The following SIGLECL1 variants were observed in gnomAD, a reference collection of about 807,000 sequenced individuals.
The protein encoded by SIGLECL1 is SIGLEC family like 1, also known as SIGLEC family-like protein 1.
A neutral mutation model predicts 19.1 loss-of-function variants in SIGLECL1; 16 were observed. That is an observed-to-expected ratio of 0.84 (90% CI 0.57 to 1.27). The LOEUF is 1.27. SIGLECL1 is among the 50% of genes most tolerant of loss of function. The pLI, the probability that SIGLECL1 is intolerant of heterozygous loss-of-function variation, is 0.00. For synonymous variants in SIGLECL1, 89 were observed against 90.4 expected (o/e 0.98, Z 0.09); for missense variants, 210 against 239.4 (o/e 0.88, Z 0.81).
In SIGLECL1 at chr19:51,267,549, G is replaced by A; in HGVS notation, c.567+20G>A. 6.2e-7 allele frequency: 1 copy of A among 1,612,932 alleles called. No individual in the cohort carries two copies. The highest frequency in any genetic ancestry group is 2.2e-5 in the East Asian group (1 of 44,850). ...ATATTGGTATGTACCTATTGTGTCT[G>A]GAATCTAGTCTATCGGAATACTGAT... On this transcript the variant is annotated intron_variant, in intron 5 of 5. Coordinates refer to ENST00000601727, the MANE Select transcript of SIGLECL1 (RefSeq NM_001385465.1).
upstream of SIGLECL1, among the ~76,000 whole-genome samples, chr19:51,250,464 C>G (rs1982419277): frequency 6.6e-6 from 1 of 152,184 alleles, no homozygotes; most frequent in Admixed American, 6.5e-5. Flanking sequence ...CTATATCATC[C>G]TGTAACTTAG....
chr19:51,264,360 T>C, intron 2 of SIGLECL1: 1 of 404,886 alleles, frequency 2.5e-6, no homozygotes, highest in Non-Finnish European at 4.5e-6. Flanking sequence ...AGGAGCTGTT[T>C]CAGACATTAC....
chr19:51,258,557 G>A (rs944890340), intron 1 of SIGLECL1, among the ~76,000 whole-genome samples: 3 of 152,170 alleles, frequency 2.0e-5, no homozygotes, highest in African/African-American at 7.2e-5. Context: ...ATCTGTAATC[G>A]TTAAAATGAA....
At chr19:51,265,337 C>T (rs1317813737) in intron 2 of SIGLECL1, 31 bp from the exon 3 acceptor site, 1 of 1,569,986 alleles carries the variant, frequency 6.4e-7, no homozygotes, top group South Asian at 1.2e-5. Context: ...GCCAGGATGC[C>T]TTGCTGACTC....
intron 1 of SIGLECL1, among the ~76,000 whole-genome samples, chr19:51,261,011 T>TA (rs1422022323): frequency 6.6e-6 from 1 of 152,266 alleles, no homozygotes; most frequent in Admixed American, 6.5e-5. Context: ...GAACAGTGAT[T>TA]AAAATGTCAC....
intron 2 of SIGLECL1, among the ~76,000 whole-genome samples, 190 bp from the exon 3 acceptor site, chr19:51,265,178 G>A (rs927496323): frequency 1.3e-5 from 2 of 152,190 alleles, no homozygotes; most frequent in African/African-American, 4.8e-5. Context: ...AAGGTCTAGC[G>A]ATCAGGTTCA....
intron 1 of SIGLECL1, among the ~76,000 whole-genome samples, chr19:51,259,136 C>CA (rs5828462): frequency 1 from 152,301 of 152,302 alleles, 76,150 homozygotes; most frequent in Non-Finnish European, 1. Flanking sequence ...GAGTCTTATA[C>CA]CTGCATTCCA....
chr19:51,256,661 G>C (rs1982829502), intron 1 of SIGLECL1, among the ~76,000 whole-genome samples: 1 of 152,144 alleles, frequency 6.6e-6, no homozygotes, highest in Non-Finnish European at 1.5e-5. Flanking sequence ...TAAATATTAA[G>C]TGTTCTCACC....
chr19:51,247,344 G>C (rs761382427), upstream of SIGLECL1, among the ~76,000 whole-genome samples: 1 of 152,184 alleles, frequency 6.6e-6, no homozygotes, highest in Non-Finnish European at 1.5e-5. Context: ...TTCCTCCTCT[G>C]TATTCACATA....
chr19:51,250,656 G>A (rs759856212), upstream of SIGLECL1, among the ~76,000 whole-genome samples: 1 of 152,248 alleles, frequency 6.6e-6, no homozygotes, highest in Non-Finnish European at 1.5e-5. Context: ...GAGGAACGGA[G>A]TCCTCAGGGT....
chr19:51,256,065 T>C (rs574850575), intron 1 of SIGLECL1: 2 of 151,276 alleles, frequency 1.3e-5, no homozygotes, highest in Admixed American at 6.7e-5. Flanking sequence ...GTAAAGAAAA[T>C]ATTATATATG....
At chr19:51,262,639 C>T in intron 1 of SIGLECL1, among the ~76,000 whole-genome samples, 1 of 152,090 alleles carries the variant, frequency 6.6e-6, no homozygotes, top group South Asian at 2.1e-4. Flanking sequence ...TCCCAATGTC[C>T]CTAGAAGTTA....
chr19:51,264,221 A>G, intron 2 of SIGLECL1, 127 bp downstream of exon 2: 2 of 1,072,250 alleles, frequency 1.9e-6, no homozygotes, highest in Non-Finnish European at 1.4e-6. Context: ...ATAAGTACCA[A>G]ATAATCAACA....
intron 1 of SIGLECL1, among the ~76,000 whole-genome samples, chr19:51,253,090 G>A (rs1301973480): frequency 6.8e-6 from 1 of 147,778 alleles, no homozygotes; most frequent in African/African-American, 2.5e-5. Context: ...TCATGCCACT[G>A]CACTCCAGAC....
Position 51,252,052 on chromosome 19 carries a change from C to T in SIGLECL1, c.-191+507C>T, listed in dbSNP as rs185442607. Among the ~76,000 whole-genome samples the T allele has an allele frequency of 2.0e-5, 3 of 152,306 alleles. No individual in the cohort carries two copies. The East Asian group carries it at 5.8e-4, about 29-fold the overall frequency. On this transcript the variant is annotated intron_variant, in intron 1 of 5. Transcript: ENST00000601727. ...GTGGCTCACGTCTGTAATCCCAGCA[C>T]TTTGGGAGGCTGAGGCCGGGGATCA...
intron 2 of SIGLECL1, 131 bp downstream of exon 2, chr19:51,264,225 A>C: frequency 9.8e-7 from 1 of 1,020,842 alleles, no homozygotes; most frequent in Non-Finnish European, 1.4e-6. Flanking sequence ...GTACCAAATA[A>C]TCAACATGAA....
intron 1 of SIGLECL1, among the ~76,000 whole-genome samples, chr19:51,259,216 A>T (rs1285919844): frequency 6.6e-6 from 1 of 152,118 alleles, no homozygotes; most frequent in Non-Finnish European, 1.5e-5. Context: ...AGTGGATGAG[A>T]TTCAGGCGAA....
intron 2 of SIGLECL1, 79 bp downstream of exon 2, chr19:51,264,173 A>C: frequency 6.4e-7 from 1 of 1,554,496 alleles, no homozygotes; most frequent in Admixed American, 1.7e-5. Flanking sequence ...AGGGCAGAGG[A>C]TGGGCTATGG....
chr19:51,260,194 G>T (rs1451447045), intron 1 of SIGLECL1, among the ~76,000 whole-genome samples: 1 of 152,208 alleles, frequency 6.6e-6, no homozygotes, highest in African/African-American at 2.4e-5. Context: ...AATAAACAGA[G>T]AAACAGACCT....
Sources: allele counts gnomAD v4.1 joint callset (sites outside exome capture counted in the v4.1 genomes callset), GRCh38; gene constraint gnomAD v4.1.1; transcripts MANE v1.5; gene names NCBI Gene and HGNC (gene_info 2026-07-23, HGNC 2026-07-21).